Variants in ADAMTS9 observed in about 807,000 individuals in gnomAD.
ADAMTS9 encodes the protein ADAM metallopeptidase with thrombospondin type 1 motif 9.
In ADAMTS9, 107 loss-of-function variants were observed where a neutral mutation model predicts 257.1. The observed-to-expected ratio is 0.42, with a 90% CI of 0.36 to 0.49. ADAMTS9 has a LOEUF of 0.49. ADAMTS9 is among the 20% of genes least tolerant of loss of function. ADAMTS9 has a pLI of 0.03. For missense variants in ADAMTS9, 2,353 were observed against 2,469.1 expected, an observed-to-expected ratio of 0.95 and a Z score of 1.00; for synonymous variants, 982 against 880.9, an observed-to-expected ratio of 1.11 and a Z score of -2.03.
chr3:64,537,878 T>C (rs559895032), intron 37 of ADAMTS9, among the ~76,000 whole-genome samples: 1 of 152,240 alleles, frequency 6.6e-6, no homozygotes, highest in Non-Finnish European at 1.5e-5. Context: ...TTGTAAAGAC[T>C]AACGTCTGCT....
chr3:64,658,896 A>G (rs1437098254), intron 3 of ADAMTS9, 105 bp from the exon 4 acceptor site: 1 of 1,243,746 alleles, frequency 8.0e-7, no homozygotes, highest in Non-Finnish European at 1.1e-6. Flanking sequence ...GTCAAACTAC[A>G]TACAAAAACA....
chr3:64,601,901 C>G (rs779559722), intron 26 of ADAMTS9, 43 bp downstream of exon 26: 626 of 1,547,062 alleles, frequency 4.0e-4, no homozygotes, highest in Non-Finnish European at 5.1e-4. Flanking sequence ...CTAAACCCAA[C>G]CTCAAGTGAA....
At chr3:64,599,977 C>A (rs2084428535) in intron 26 of ADAMTS9, among the ~76,000 whole-genome samples, 1 of 151,540 alleles carries the variant, frequency 6.6e-6, no homozygotes, top group African/African-American at 2.4e-5. Context: ...CCTGAAGATG[C>A]TCTGGTCCCT....
At position 64,545,240 on chromosome 3, in the gene ADAMTS9, C is replaced by T. The variant is rs576801749; in HGVS notation, c.5064+1518G>A. Among the ~76,000 whole-genome samples, 4 of 152,280 alleles carry T rather than the reference C, an allele frequency of 2.6e-5. No homozygotes were observed. The South Asian group carries it at 8.3e-4, about 32-fold the overall frequency. ...CTAGAACGAGAAATACCATTTGACC[C>T]AGCCATCCCATTACTGGGCATATAC... On this transcript the variant is annotated intron_variant, in intron 32 of 39. Transcript: ENST00000498707.
intron 12 of ADAMTS9, among the ~76,000 whole-genome samples, chr3:64,639,293 GT>G (rs753448050): frequency 0.019 from 1,059 of 56,982 alleles, 19 homozygotes; most frequent in African/African-American, 0.068. Context: ...TAGGTGGATT[GT>G]TTTTTTTTTT....
intron 2 of ADAMTS9, among the ~76,000 whole-genome samples, chr3:64,684,169 ATGTG>A (rs1488847114): frequency 6.6e-6 from 1 of 152,156 alleles, no homozygotes; most frequent in Non-Finnish European, 1.5e-5. Flanking sequence ...GGACATGTGG[ATGTG>A]AGTGAGTGCA....
chr3:64,658,644 G>C lies in ADAMTS9; in HGVS notation c.827C>G (p.Thr276Arg), dbSNP rs758973075. Reference protein sequence around the residue: ...FSAYGNKTDNTREKRTHRRTK... With the variant: ...FSAYGNKTDNRREKRTHRRTK... ...CCTTCTGTGGGTCCTCTTTTCTCTT[G>C]TGTTGTCCGTCTTATTACCATAAGC... The change falls in exon 4 of 40, where the codon ACA becomes AGA. Residue 276 changes from threonine to arginine, a missense_variant. Coordinates refer to ENST00000498707, the MANE Select transcript of ADAMTS9 (RefSeq NM_182920.2). 2 of 1,613,954 alleles carry C rather than the reference G, an allele frequency of 1.2e-6. No homozygotes were observed. Among genetic ancestry groups the C allele is most frequent in the East Asian group, 2.2e-5 (1 of 44,852 alleles).
intron 3 of ADAMTS9, among the ~76,000 whole-genome samples, chr3:64,670,805 A>G (rs1701468303): frequency 1.3e-5 from 2 of 152,232 alleles, no homozygotes; most frequent in Admixed American, 1.3e-4. Flanking sequence ...ATGCAAATGA[A>G]AACTACAATG....
chr3:64,607,825 C>T (rs2106823743), intron 22 of ADAMTS9, among the ~76,000 whole-genome samples: 1 of 152,192 alleles, frequency 6.6e-6, no homozygotes, highest in African/African-American at 2.4e-5. Flanking sequence ...TTCTGATTAC[C>T]CACCTACCAC....
intron 32 of ADAMTS9, 101 bp downstream of exon 32, chr3:64,546,657 T>C: frequency 7.8e-7 from 1 of 1,284,456 alleles, no homozygotes; most frequent in Non-Finnish European, 1.1e-6. Context: ...GGGTTTCTCC[T>C]GGAAGTAGAG....
intron 6 of ADAMTS9, among the ~76,000 whole-genome samples, chr3:64,655,183 G>A (rs554587132): frequency 1.1e-4 from 17 of 152,302 alleles, no homozygotes; most frequent in South Asian, 4.1e-4. Flanking sequence ...ACATGGCAAC[G>A]CCAGGTCCAT....
At position 64,572,077 on chromosome 3, in the gene ADAMTS9, G is replaced by A. The variant is rs529563607; in HGVS notation, c.4357-3542C>T. Among the ~76,000 whole-genome samples, 9 of 144,068 alleles carry A rather than the reference G, an allele frequency of 6.2e-5. No individual in the cohort carries two copies. The East Asian group carries it at 1.5e-3, about 25-fold the overall frequency. The allele number at this position is 144,068 out of a possible 152,430, so 94.5% of individuals were successfully genotyped here. ...AAAAAGCCTCCTACTTTGCCAATAG[G>A]ACTCTGACTTTTTTTTCTTGGGAAA... On this transcript the variant is annotated intron_variant, in intron 28 of 39. Transcript: ENST00000498707.
chr3:64,537,250 C>T (rs1239867333), intron 37 of ADAMTS9, among the ~76,000 whole-genome samples: 4 of 152,184 alleles, frequency 2.6e-5, no homozygotes, highest in South Asian at 2.1e-4. Context: ...TCATTTGTCT[C>T]TGAATTATTA....
intron 31 of ADAMTS9, among the ~76,000 whole-genome samples, chr3:64,547,274 C>T (rs952627350): frequency 1.4e-4 from 21 of 152,104 alleles, no homozygotes; most frequent in African/African-American, 4.8e-4. Flanking sequence ...CAGTTTGCAT[C>T]TTCAGCCCAA....
intron 38 of ADAMTS9, among the ~76,000 whole-genome samples, chr3:64,527,685 A>G (rs942323695): frequency 6.6e-6 from 1 of 152,140 alleles, no homozygotes; most frequent in African/African-American, 2.4e-5. Flanking sequence ...AGCCCTGGAC[A>G]CTTATGTATA....
In ADAMTS9 at chr3:64,633,564, T is replaced by G; in HGVS notation, c.2083A>C (p.Asn695His). ...TCTCGAAGCTGATAGTAGGCTGTGT[T>G]CCCTGCCACTCTGCAGAACAACTTG... ...RCKLFCRVAG[N>H]TAYYQLRDRV... The change falls in exon 14 of 40, where the codon AAC becomes CAC. Residue 695 changes from asparagine to histidine, a missense_variant. Coordinates refer to ENST00000498707, the MANE Select transcript of ADAMTS9 (RefSeq NM_182920.2). 6 of 1,613,902 alleles carry G rather than the reference T, an allele frequency of 3.7e-6. No individual in the cohort carries two copies. The highest frequency in any genetic ancestry group is 5.1e-6 in the Non-Finnish European group (6 of 1,179,978).
At chr3:64,609,652 A>G (rs2106828427) in intron 22 of ADAMTS9, among the ~76,000 whole-genome samples, 1 of 152,338 alleles carries the variant, frequency 6.6e-6, no homozygotes, top group South Asian at 2.1e-4. Flanking sequence ...AAATAAAAAG[A>G]TATTACATGT....
chr3:64,661,539 T>C (rs1701223049), intron 3 of ADAMTS9, among the ~76,000 whole-genome samples: 1 of 152,120 alleles, frequency 6.6e-6, no homozygotes. Flanking sequence ...TTGCAGGAAG[T>C]GGAGGTACAA....
At chr3:64,549,337 A>C (rs2083241461) in intron 31 of ADAMTS9, among the ~76,000 whole-genome samples, 1 of 152,126 alleles carries the variant, frequency 6.6e-6, no homozygotes, top group East Asian at 1.9e-4. Flanking sequence ...AATATGACTC[A>C]AGTCCCATAA....
Sources: allele counts gnomAD v4.1 joint callset (sites outside exome capture counted in the v4.1 genomes callset), GRCh38; gene constraint gnomAD v4.1.1; transcripts MANE v1.5; gene names NCBI Gene and HGNC (gene_info 2026-07-23, HGNC 2026-07-21).